The following HDX variants were observed in gnomAD, a reference collection of about 807,000 sequenced individuals.
HDX encodes chromosome X open reading frame 43.
Under a neutral mutation model 45.2 loss-of-function variants are expected in HDX, and 19 were observed. That is an observed-to-expected ratio of 0.42 (90% confidence interval 0.29 to 0.62). The LOEUF is 0.62. HDX is among the 20% of genes least tolerant of loss of function. The probability of loss-of-function intolerance (pLI) is 0.20; values close to 1 mark genes in which losing one functional copy is unlikely to be tolerated. For missense variants in HDX, 532 were observed against 493.9 expected, an observed-to-expected ratio of 1.08 and a Z score of -0.73; for synonymous variants, 188 against 172.8, an observed-to-expected ratio of 1.09 and a Z score of -0.69.
chrX:84,381,206 C>T (rs2038180445), intron 5 of HDX, among the ~76,000 whole-genome samples: 1 of 110,801 alleles, frequency 9.0e-6, no homozygotes, highest in South Asian at 3.8e-4. Flanking sequence ...GAAAAGGGCA[C>T]CACAAAATGG....
chrX:84,485,039 T>C (rs1444527368), intron 2 of HDX, among the ~76,000 whole-genome samples: 1 of 112,225 alleles, frequency 8.9e-6, no homozygotes, highest in Non-Finnish European at 1.9e-5. Flanking sequence ...AATTAAAATA[T>C]TTAGGGCATT....
intron 6 of HDX, among the ~76,000 whole-genome samples, chrX:84,353,385 T>C (rs766829236): frequency 6.3e-5 from 7 of 110,770 alleles, no homozygotes; most frequent in South Asian, 3.9e-4. Flanking sequence ...GGGTCTCTCA[T>C]AAATGTAGTG....
At chrX:84,474,141 A>G (rs2040502318) in intron 3 of HDX, among the ~76,000 whole-genome samples, 1 of 111,213 alleles carries the variant, frequency 9.0e-6, no homozygotes, top group African/African-American at 3.3e-5. Context: ...AAATACAAAG[A>G]ATTAGCCGGG....
chrX:84,450,099 G>A (rs930282520), intron 4 of HDX, among the ~76,000 whole-genome samples: 4 of 79,213 alleles, frequency 5.0e-5, no homozygotes, highest in Non-Finnish European at 1.1e-4. Flanking sequence ...AAAACTTAAA[G>A]TATAATAAAA....
chrX:84,333,915 A>G, intron 8 of HDX, 73 bp from the exon 9 acceptor site: 1 of 432,487 alleles, frequency 2.3e-6, no homozygotes. Flanking sequence ...CATAGAAAAT[A>G]TGCATTCAAT....
rs184261109 is a variant in HDX at position 84,345,493 on chromosome X, T to C, written c.1453-1036A>G. On this transcript the variant is annotated intron_variant, in intron 6 of 10. Transcript: ENST00000373177. ...ATTCGTTTTTATTGCTAAGCAGTAT[T>C]CCATGATATATATTTACCCATGTTC... is the stretch of plus-strand genomic sequence containing the variant. 2.6e-3 allele frequency among the ~76,000 whole-genome samples: 295 copies of C among 111,962 alleles called. 2 individuals are homozygous for C. Among genetic ancestry groups the C allele is most frequent in the African/African-American group, 9.2e-3 (285 of 30,922 alleles).
intron 4 of HDX, among the ~76,000 whole-genome samples, chrX:84,449,662 G>A (rs928403276): frequency 8.9e-6 from 1 of 112,000 alleles, no homozygotes; most frequent in Non-Finnish European, 1.9e-5. Flanking sequence ...AATTGTTTAA[G>A]GGAGTCTGAC....
At chrX:84,361,667 G>GAAAT in intron 5 of HDX, 55 bp from the exon 6 acceptor site, 1 of 941,675 alleles carries the variant, frequency 1.1e-6, no homozygotes. Context: ...ATAATCAAAG[G>GAAAT]AAATAATATT....
intron 5 of HDX, among the ~76,000 whole-genome samples, chrX:84,377,055 G>A (rs1439185872): frequency 1.8e-5 from 2 of 112,379 alleles, no homozygotes; most frequent in Non-Finnish European, 3.8e-5. Context: ...GAAAGAGAAA[G>A]ACTGACCTCG....
At chrX:84,323,152 TAACCCCTA>T in intron 10 of HDX, among the ~76,000 whole-genome samples, 1 of 111,342 alleles carries the variant, frequency 9.0e-6, no homozygotes, top group East Asian at 2.8e-4. Flanking sequence ...AAGGGAAGAC[TAACCCCTA>T]TCTGGCAGAC....
chrX:84,459,787 C>T (rs1174543276), intron 4 of HDX, among the ~76,000 whole-genome samples: 1 of 110,890 alleles, frequency 9.0e-6, no homozygotes, highest in African/African-American at 3.3e-5. Context: ...ATTGACAAAC[C>T]TTTAGCGAGA....
rs2036545295 is a variant in HDX at position 84,318,728 on chromosome X, G to A, written c.*3161C>T. On this transcript the variant is annotated 3_prime_UTR_variant, in exon 11 of 11. Coordinates refer to ENST00000373177, the MANE Select transcript of HDX (RefSeq NM_001177479.2). ...AAATGGCTTCTTTGACATCTTTTGA[G>A]GTCTTGGTCGAATAAAGAGTACAGG... The A allele has an allele frequency of 9.0e-6, 1 of 111,165 alleles. No homozygotes were observed. Among genetic ancestry groups the A allele is most frequent in the South Asian group, 3.7e-4 (1 of 2,693 alleles). The allele number at this position is 111,165 out of a possible 1,213,427, so 9.2% of individuals were successfully genotyped here. A position where few individuals can be genotyped will look rare whatever the true frequency, so the allele number is the denominator to read the frequency against.
At chrX:84,495,642 T>C (rs112918740) in intron 1 of HDX, among the ~76,000 whole-genome samples, 4,342 of 111,526 alleles carry the variant, frequency 0.039, 208 homozygotes, top group African/African-American at 0.13. Flanking sequence ...GTAAAACTCC[T>C]CCTTTATTCT....
intron 4 of HDX, among the ~76,000 whole-genome samples, chrX:84,463,608 G>A (rs766568943): frequency 9.0e-6 from 1 of 111,303 alleles, no homozygotes; most frequent in Non-Finnish European, 1.9e-5. Context: ...AATGATAAAT[G>A]TTGTATTTAT....
At chrX:84,486,269 C>A (rs1002152913) in intron 2 of HDX, among the ~76,000 whole-genome samples, 2 of 111,435 alleles carry the variant, frequency 1.8e-5, no homozygotes, top group Non-Finnish European at 3.8e-5. Context: ...TGACAACTAT[C>A]TAGGTACCTT....
chrX:84,375,435 C>A (rs1356605169), intron 5 of HDX, among the ~76,000 whole-genome samples: 2 of 111,493 alleles, frequency 1.8e-5, no homozygotes, highest in Non-Finnish European at 3.8e-5. Flanking sequence ...GCTATAAAGA[C>A]ACATGCACAT....
chrX:84,356,228 G>T (rs955984501), intron 6 of HDX, among the ~76,000 whole-genome samples: 7 of 111,574 alleles, frequency 6.3e-5, no homozygotes, highest in Non-Finnish European at 1.1e-4. Flanking sequence ...GAAATCTCAA[G>T]AATATATTTA....
chrX:84,469,709 A>G (rs374238695), intron 3 of HDX, 134 bp from the exon 4 acceptor site: 1 of 520,704 alleles, frequency 1.9e-6, no homozygotes, highest in Non-Finnish European at 3.0e-6. Context: ...AAAAGGTAAA[A>G]TAACAGAAAA....
chrX:84,488,324 AACACACACACAC>A (rs200905875), intron 1 of HDX, among the ~76,000 whole-genome samples, 192 bp from the exon 2 acceptor site: 1,651 of 94,853 alleles, frequency 0.017, 24 homozygotes, highest in African/African-American at 0.052. Flanking sequence ...TAAAATCTAA[AACACACACACAC>A]ACACACACAC....
Sources: allele counts gnomAD v4.1 joint callset (sites outside exome capture counted in the v4.1 genomes callset), GRCh38; gene constraint gnomAD v4.1.1; transcripts MANE v1.5; gene names NCBI Gene and HGNC (gene_info 2026-07-23, HGNC 2026-07-21).